The following CLASP1 variants were observed in gnomAD, a reference collection of about 807,000 sequenced individuals.
CLASP1 encodes CLIP-associating protein 1.
Under a neutral mutation model 192.3 loss-of-function variants are expected in CLASP1, and 38 were observed. That is an observed-to-expected ratio of 0.20 (90% confidence interval 0.15 to 0.26). The LOEUF (loss-of-function observed/expected upper bound fraction) is 0.26. CLASP1 is among the 10% of genes least tolerant of loss of function. The probability of loss-of-function intolerance (pLI) is 1.00; values close to 1 mark genes in which losing one functional copy is unlikely to be tolerated. For synonymous variants in CLASP1, 691 were observed against 712.8 expected (o/e 0.97, Z 0.49); for missense variants, 1,433 against 1,932.5 (o/e 0.74, Z 4.85).
At chr2:121,365,418 C>G (rs2067195563) in intron 35 of CLASP1, 134 bp from the exon 37 acceptor site, 2 of 822,632 alleles carry the variant, frequency 2.4e-6, no homozygotes, top group Admixed American at 4.3e-5. Flanking sequence ...GTTCCCCTCC[C>G]ACCCTCCGCC....
At chr2:121,435,814 A>G (rs573521414) in intron 19 of CLASP1, among the ~76,000 whole-genome samples, 10 of 152,176 alleles carry the variant, frequency 6.6e-5, no homozygotes, top group Non-Finnish European at 1.3e-4. Context: ...TTTAAGTTTT[A>G]AGATTCCTGT....
chr2:121,624,881 A>G (rs2106152237), intron 1 of CLASP1, among the ~76,000 whole-genome samples: 1 of 152,340 alleles, frequency 6.6e-6, no homozygotes, highest in Non-Finnish European at 1.5e-5. Flanking sequence ...CCTTTATCTC[A>G]GAGTATTTTC....
At chr2:121,427,299 A>G in intron 21 of CLASP1, 105 bp downstream of exon 21, 1 of 1,348,024 alleles carries the variant, frequency 7.4e-7, no homozygotes. Flanking sequence ...AAGATTAACT[A>G]AGCTTACAAT....
intron 19 of CLASP1, among the ~76,000 whole-genome samples, chr2:121,433,342 A>G (rs1404390970): frequency 6.6e-6 from 1 of 151,258 alleles, no homozygotes; most frequent in East Asian, 1.9e-4. Flanking sequence ...AAAAAAAAAG[A>G]AAATTCATTT....
At chr2:121,519,514 C>T (rs2094408279) in intron 6 of CLASP1, among the ~76,000 whole-genome samples, 1 of 152,186 alleles carries the variant, frequency 6.6e-6, no homozygotes, top group Non-Finnish European at 1.5e-5. Flanking sequence ...ATATAAGTCT[C>T]CCAAATATAA....
intron 34 of CLASP1, among the ~76,000 whole-genome samples, chr2:121,374,440 C>T (rs1573988094): frequency 1.3e-5 from 2 of 152,338 alleles, no homozygotes; most frequent in East Asian, 3.9e-4. Flanking sequence ...GGGTTGGAGC[C>T]CCCACAGAGT....
intron 3 of CLASP1, 74 bp from the exon 4 acceptor site, chr2:121,528,854 A>C: frequency 8.7e-7 from 1 of 1,144,578 alleles, no homozygotes; most frequent in Non-Finnish European, 1.3e-6. Context: ...TTCCTATCTC[A>C]ATTATGTGGG....
At chr2:121,340,766 T>C in exon 40 of CLASP1, 3 of 897,978 alleles carry the variant, frequency 3.3e-6, no homozygotes, top group Non-Finnish European at 3.6e-6. Flanking sequence ...TGGGCCTCCT[T>C]GTACTGACTG....
intron 8 of CLASP1, among the ~76,000 whole-genome samples, chr2:121,494,188 T>C (rs375743300): frequency 6.6e-6 from 1 of 152,164 alleles, no homozygotes; most frequent in Non-Finnish European, 1.5e-5. Flanking sequence ...GCCAAGATTT[T>C]AAAGCAACCT....
intron 8 of CLASP1, among the ~76,000 whole-genome samples, chr2:121,477,839 C>T (rs187709066): frequency 1.4e-3 from 218 of 152,232 alleles, no homozygotes; most frequent in South Asian, 4.2e-3. Context: ...TGTACCAGGT[C>T]CTGGGTTTGG....
In CLASP1 at chr2:121,447,196, T is replaced by C. The variant is rs2084519315; in HGVS notation, c.1912+141A>G. On this transcript the variant is annotated intron_variant, in intron 19 of 39. Coordinates refer to ENST00000263710, the Ensembl canonical transcript of CLASP1. ...GGGTGGCTGGCTGATCAGCAGCAAGTGCACGAAGCTACTTAGATTTAAATA... is the reference window on the plus strand; with the variant it reads ...GGGTGGCTGGCTGATCAGCAGCAAGCGCACGAAGCTACTTAGATTTAAATA... 13 of 757,468 alleles carry C rather than the reference T, an allele frequency of 1.7e-5. No homozygotes were observed. The South Asian group carries it at 2.4e-4, about 14-fold the overall frequency. 46.9% of individuals were successfully genotyped at this position (757,468 alleles called of 1,614,324 possible).
intron 2 of CLASP1, among the ~76,000 whole-genome samples, chr2:121,558,457 G>C (rs1013311910): frequency 6.6e-6 from 1 of 152,196 alleles, no homozygotes; most frequent in African/African-American, 2.4e-5. Context: ...TTTTAAAGAA[G>C]GGACTGTGTC....
In CLASP1 at chr2:121,633,013, T is replaced by TAA. The variant is rs1474198864; in HGVS notation, c.-286+16358_-286+16359insTT. Among the ~76,000 whole-genome samples the TAA allele has an allele frequency of 1.0e-3, 148 of 147,206 alleles. 3 individuals carry two copies. Among genetic ancestry groups the TAA allele is most frequent in the African/African-American group, 3.5e-3 (134 of 38,394 alleles). ...ATATATATGTATGTGTGTGCATATA[T>TAA]ATATATATATATATAGGCTTTTTTT... On this transcript the variant is annotated intron_variant, in intron 1 of 39. Transcript: ENST00000263710.
intron 30 of CLASP1, among the ~76,000 whole-genome samples, chr2:121,389,828 G>C (rs942270085): frequency 3.9e-5 from 6 of 152,092 alleles, no homozygotes; most frequent in African/African-American, 1.4e-4. Context: ...TAAGATCCAA[G>C]TTCTAGAAAC....
intron 19 of CLASP1, among the ~76,000 whole-genome samples, chr2:121,438,306 A>G (rs1369327122): frequency 1.3e-5 from 2 of 152,240 alleles, no homozygotes; most frequent in Admixed American, 6.5e-5. Flanking sequence ...GTGAGTAGAC[A>G]GCTTAGTTAC....
At chr2:121,506,154 A>C (rs1474216073) in intron 7 of CLASP1, among the ~76,000 whole-genome samples, 1 of 152,236 alleles carries the variant, frequency 6.6e-6, no homozygotes, top group Non-Finnish European at 1.5e-5. Context: ...GCTTCAAAGA[A>C]GCAAAGAAAA....
At chr2:121,649,171 G>A (rs1049370681) in intron 1 of CLASP1, among the ~76,000 whole-genome samples, 11 of 152,112 alleles carry the variant, frequency 7.2e-5, no homozygotes, top group Non-Finnish European at 1.3e-4. Flanking sequence ...GCGACCTACT[G>A]GTTGGATAAA....
chr2:121,491,838 G>A (rs1269712953), intron 8 of CLASP1, among the ~76,000 whole-genome samples: 1 of 152,078 alleles, frequency 6.6e-6, no homozygotes, highest in East Asian at 1.9e-4. Flanking sequence ...GTCACAATTC[G>A]ATTACGCTTT....
chr2:121,393,996 T>C (rs1270651395), intron 30 of CLASP1, among the ~76,000 whole-genome samples: 1 of 151,944 alleles, frequency 6.6e-6, no homozygotes, highest in Non-Finnish European at 1.5e-5. Flanking sequence ...GCCAAGGAAT[T>C]ATCGAATAAC....
Sources: allele counts gnomAD v4.1 joint callset (sites outside exome capture counted in the v4.1 genomes callset), GRCh38; gene constraint gnomAD v4.1.1; transcripts MANE v1.5; gene names NCBI Gene and HGNC (gene_info 2026-07-23, HGNC 2026-07-21).